Variants in ME1 observed in about 807,000 individuals in gnomAD.
ME1 encodes NADP-dependent malic enzyme.
In ME1, 74 loss-of-function variants were observed where a neutral mutation model predicts 66.4. The ratio of observed to expected loss-of-function variants is 1.11; its 90% confidence interval spans 0.92 to 1.35. The LOEUF (loss-of-function observed/expected upper bound fraction) is 1.35. ME1 is among the 40% of genes most tolerant of loss of function. The pLI is 0.00. For synonymous variants in ME1, 251 were observed against 235.6 expected, an observed-to-expected ratio of 1.07 and a Z score of -0.60; for missense variants, 750 against 694.1, an observed-to-expected ratio of 1.08 and a Z score of -0.90.
intron 1 of ME1, 115 bp downstream of exon 1, chr6:83,430,762 G>C: frequency 1.1e-6 from 1 of 919,450 alleles, no homozygotes; most frequent in Non-Finnish European, 1.6e-6. Flanking sequence ...CCGCTCACCG[G>C]GAACCTTCCC....
chr6:83,350,878 T>C (rs759010089), intron 4 of ME1, among the ~76,000 whole-genome samples: 1 of 149,072 alleles, frequency 6.7e-6, no homozygotes, highest in African/African-American at 2.5e-5. Flanking sequence ...ACAATTAAGA[T>C]GTTTCTTAGG....
intron 1 of ME1, among the ~76,000 whole-genome samples, chr6:83,414,871 G>A (rs940171916): frequency 6.6e-6 from 1 of 152,058 alleles, no homozygotes; most frequent in Admixed American, 6.6e-5. Flanking sequence ...AAGTTGTAAG[G>A]CAAATTTCAC....
chr6:83,227,548 A>G, intron 10 of ME1, 71 bp from the exon 11 acceptor site: 1 of 1,252,948 alleles, frequency 8.0e-7, no homozygotes, highest in Non-Finnish European at 1.1e-6. Flanking sequence ...CCATGCCTCA[A>G]ATCAATGATA....
At chr6:83,248,525 C>A (rs1790662867) in intron 7 of ME1, among the ~76,000 whole-genome samples, 2 of 152,132 alleles carry the variant, frequency 1.3e-5, no homozygotes, top group Non-Finnish European at 2.9e-5. Context: ...CAAATCTCAT[C>A]TCAAGTTGTA....
chr6:83,418,573 G>C (rs577092217), intron 1 of ME1, among the ~76,000 whole-genome samples: 2 of 152,286 alleles, frequency 1.3e-5, no homozygotes, highest in South Asian at 4.2e-4. Context: ...CACTACAAGA[G>C]TTACAAGAGT....
chr6:83,346,142 C>A, intron 5 of ME1, 31 bp downstream of exon 5: 1 of 1,536,530 alleles, frequency 6.5e-7, no homozygotes, highest in Non-Finnish European at 8.8e-7. Flanking sequence ...TTTAAAGGTA[C>A]ATAGCTGCCT....
chr6:83,347,144 G>T (rs1768703363), intron 4 of ME1, among the ~76,000 whole-genome samples: 1 of 151,982 alleles, frequency 6.6e-6, no homozygotes, highest in Non-Finnish European at 1.5e-5. Context: ...AGTAGAGACA[G>T]GGTTTCACCA....
chr6:83,369,753 C>T lies in ME1; in HGVS notation c.363-17614G>A, dbSNP rs559920951. Among the ~76,000 whole-genome samples the T allele has an allele frequency of 2.8e-4, 42 of 151,432 alleles. No individual in the cohort carries two copies. In the South Asian group the frequency reaches 8.1e-3, roughly 29 times the overall value. ...TAAATGAAATCCAATCCATAGAAAA[C>T]GATTTTTTTATAACAACTTGAGAGG... On this transcript the variant is annotated intron_variant, in intron 3 of 13. Transcript: ENST00000369705.
At chr6:83,264,895 CA>C (rs2128530121) in intron 6 of ME1, among the ~76,000 whole-genome samples, 1 of 152,274 alleles carries the variant, frequency 6.6e-6, no homozygotes, top group Non-Finnish European at 1.5e-5. Flanking sequence ...CACATAAACT[CA>C]GTTGATAAAG....
chr6:83,321,560 C>T (rs1370966525), intron 5 of ME1, among the ~76,000 whole-genome samples: 1 of 152,080 alleles, frequency 6.6e-6, no homozygotes, highest in Non-Finnish European at 1.5e-5. Flanking sequence ...TGAAGCCCAC[C>T]ACAGCACCAC....
intron 6 of ME1, among the ~76,000 whole-genome samples, chr6:83,293,387 C>G (rs1767538776): frequency 6.6e-6 from 1 of 152,148 alleles, no homozygotes; most frequent in Non-Finnish European, 1.5e-5. Context: ...AACTGAAACT[C>G]TATACTCATA....
intron 3 of ME1, among the ~76,000 whole-genome samples, chr6:83,395,438 C>G (rs1257693740): frequency 6.6e-6 from 1 of 151,608 alleles, no homozygotes; most frequent in African/African-American, 2.4e-5. Flanking sequence ...AAAAGGGAAC[C>G]CAAATTGATT....
rs1431888109 is a variant in ME1 at position 83,232,631 on chromosome 6, G to GTC, written c.1027-3702_1027-3701dup. On this transcript the variant is annotated intron_variant, in intron 9 of 13. Coordinates refer to ENST00000369705, the MANE Select transcript of ME1 (RefSeq NM_002395.6). ...CAGATACTTTTTACCAGCTTACATA[G>GTC]TCTATTTGGAGTTAGAATTTTTTAT... Among the ~76,000 whole-genome samples, 4 of 152,230 alleles carry GTC rather than the reference G, an allele frequency of 2.6e-5. No individual in the cohort carries two copies. The East Asian group carries it at 7.7e-4, about 29-fold the overall frequency.
At chr6:83,274,103 T>C (rs1322436134) in intron 6 of ME1, among the ~76,000 whole-genome samples, 1 of 152,210 alleles carries the variant, frequency 6.6e-6, no homozygotes. Flanking sequence ...GCTCTGCTAA[T>C]AATGAAATAT....
chr6:83,352,795 C>A (rs1327311852), intron 3 of ME1, among the ~76,000 whole-genome samples: 1 of 152,104 alleles, frequency 6.6e-6, no homozygotes, highest in African/African-American at 2.4e-5. Flanking sequence ...TATGTAAATG[C>A]CTTATCCTCA....
At chr6:83,221,654 T>G (rs530017259) in intron 12 of ME1, among the ~76,000 whole-genome samples, 15 of 152,036 alleles carry the variant, frequency 9.9e-5, no homozygotes, top group African/African-American at 3.6e-4. Flanking sequence ...CAACTGGAGA[T>G]ATGGAAAAAG....
At chr6:83,372,543 A>G (rs1386713960) in intron 3 of ME1, among the ~76,000 whole-genome samples, 1 of 152,186 alleles carries the variant, frequency 6.6e-6, no homozygotes, top group Non-Finnish European at 1.5e-5. Context: ...TCTCTCTTAC[A>G]AAAGAAAGAC....
At chr6:83,306,359 C>T (rs1767824503) in intron 6 of ME1, among the ~76,000 whole-genome samples, 1 of 151,798 alleles carries the variant, frequency 6.6e-6, no homozygotes, top group Admixed American at 6.6e-5. Flanking sequence ...CTTTAATAAT[C>T]TAATTTTCAA....
intron 3 of ME1, among the ~76,000 whole-genome samples, chr6:83,388,105 A>G (rs1769549255): frequency 1.5e-5 from 1 of 65,186 alleles, no homozygotes; most frequent in African/African-American, 5.8e-5. Context: ...TTTTTTTTGG[A>G]CAGGATCTCA....
Sources: gnomAD v4.1 joint callset for allele counts (sites outside exome capture counted in the v4.1 genomes callset) on GRCh38, gnomAD v4.1.1 for gene constraint, MANE v1.5 for transcripts, NCBI Gene and HGNC (gene_info 2026-07-23, HGNC 2026-07-21) for gene names.